SLC24A5: variants seen among roughly 807,000 people sequenced by gnomAD.
The protein encoded by SLC24A5 is solute carrier family 24 member 5, also known as sodium/potassium/calcium exchanger 5.
A neutral mutation model predicts 51.6 loss-of-function variants in SLC24A5; 46 were observed. The observed-to-expected ratio is 0.89, with a 90% CI of 0.70 to 1.14. The LOEUF (loss-of-function observed/expected upper bound fraction) is 1.14. Among genes scored for constraint, SLC24A5 ranks in the 50% most tolerant of loss-of-function variants. SLC24A5 has a pLI of 0.00. For synonymous variants in SLC24A5, 230 were observed against 214.9 expected (o/e 1.07, Z -0.62); for missense variants, 581 against 604.1 (o/e 0.96, Z 0.40).
In SLC24A5 at chr15:48,134,262, T is replaced by G; in HGVS notation, c.306T>G (p.Leu102=). 1.2e-6 allele frequency: 2 copies of G among 1,613,508 alleles called. No homozygotes were observed. Among genetic ancestry groups the G allele is most frequent in the Non-Finnish European group, 1.7e-6 (2 of 1,179,536 alleles). ...AATCATTTCATTTATGTTCAGCCCTTGGATTGTCTCAGGATGTTGCAGGCA... is the reference window on the plus strand; with the variant it reads ...AATCATTTCATTTATGTTCAGCCCTGGGATTGTCTCAGGATGTTGCAGGCA... The part of the protein sequence containing the change: ...LPSLEIISES[L]GLSQDVAGTT... Residue 102 remains leucine (L), a synonymous_variant, in exon 3 of 9, where the codon CTT becomes CTG. Coordinates refer to ENST00000341459, the MANE Select transcript of SLC24A5 (RefSeq NM_205850.3).
At chr15:48,138,923 T>C (rs765718744) in intron 6 of SLC24A5, 46 bp from the exon 7 acceptor site, 59 of 1,394,462 alleles carry the variant, frequency 4.2e-5, no homozygotes, top group South Asian at 1.2e-4. Flanking sequence ...TCTAACTTAA[T>C]TAGCCATTTG....
chr15:48,135,260 A>G (rs2038868936), intron 5 of SLC24A5: 1 of 277,666 alleles, frequency 3.6e-6, no homozygotes, highest in South Asian at 6.1e-5. Flanking sequence ...CTATTCAGAA[A>G]GTTTCCCAAC....
chr15:48,124,219 C>CA (rs2038708543), intron 2 of SLC24A5: 1 of 152,126 alleles, frequency 6.6e-6, no homozygotes, highest in Admixed American at 6.5e-5. Flanking sequence ...TCACAACAAT[C>CA]ATCATATTTT....
At chr15:48,127,054 T>C (rs977546114) in intron 2 of SLC24A5, among the ~76,000 whole-genome samples, 61 of 152,180 alleles carry the variant, frequency 4.0e-4, no homozygotes, top group African/African-American at 1.4e-3. Flanking sequence ...TGGAGCCAGA[T>C]AGCCCAGGTT....
intron 2 of SLC24A5, among the ~76,000 whole-genome samples, chr15:48,128,133 G>A (rs1410086174): frequency 2.6e-5 from 4 of 151,746 alleles, no homozygotes; most frequent in Non-Finnish European, 4.4e-5. Context: ...TATGTAATGG[G>A]GATCTCAGAG....
intron 2 of SLC24A5, among the ~76,000 whole-genome samples, chr15:48,125,584 TG>T (rs1407832150): frequency 6.6e-6 from 1 of 152,160 alleles, no homozygotes; most frequent in Non-Finnish European, 1.5e-5. Flanking sequence ...TCGAGAGCAC[TG>T]AAAATTTTGA....
chr15:48,134,451 G>A lies in SLC24A5; in HGVS notation c.402G>A (p.Lys134=). 6.2e-7 allele frequency: 1 copy of A among 1,613,320 alleles called. No individual in the cohort carries two copies. Among genetic ancestry groups the A allele is most frequent in the Middle Eastern group, 1.7e-4 (1 of 6,054 alleles). Residue 134 remains lysine (K), a synonymous_variant, in exon 4 of 9, where the codon AAG becomes AAA. Transcript: ENST00000341459. ...VTAFLGVFIT[K]GDIGISTILG... ...TGCACATAGGTGTATTTATCACAAAGGGAGATATTGGCATTAGCACCATCC... is the reference window on the plus strand; with the variant it reads ...TGCACATAGGTGTATTTATCACAAAAGGAGATATTGGCATTAGCACCATCC...
At chr15:48,136,463 A>T (rs901506270) in intron 5 of SLC24A5, 45 of 347,412 alleles carry the variant, frequency 1.3e-4, no homozygotes, top group African/African-American at 8.3e-4. Flanking sequence ...CTTGTTTTTA[A>T]AAAAAAAAAA....
chr15:48,130,752 T>G (rs899969894), intron 2 of SLC24A5, among the ~76,000 whole-genome samples: 5 of 152,160 alleles, frequency 3.3e-5, no homozygotes, highest in Non-Finnish European at 5.9e-5. Flanking sequence ...TTCCAAAGTA[T>G]TCTTGGCTCT....
At chr15:48,132,448 C>A (rs938693509) in intron 2 of SLC24A5, among the ~76,000 whole-genome samples, 1 of 152,090 alleles carries the variant, frequency 6.6e-6, no homozygotes, top group Non-Finnish European at 1.5e-5. Context: ...GAATATTTGT[C>A]TATTTTGTTC....
At chr15:48,130,958 C>G (rs1659406845) in intron 2 of SLC24A5, among the ~76,000 whole-genome samples, 1 of 152,144 alleles carries the variant, frequency 6.6e-6, no homozygotes, top group African/African-American at 2.4e-5. Flanking sequence ...TATGCCCTAA[C>G]TCTCAACATT....
chr15:48,123,174 T>C (rs1344510708), intron 2 of SLC24A5: 1 of 151,578 alleles, frequency 6.6e-6, no homozygotes, highest in Non-Finnish European at 1.5e-5. Flanking sequence ...AATATATATA[T>C]ATATGATAGA....
chr15:48,126,859 TGTAGTCCTATCTG>T (rs2038737384), intron 2 of SLC24A5, among the ~76,000 whole-genome samples: 2 of 152,364 alleles, frequency 1.3e-5, no homozygotes, highest in East Asian at 3.9e-4. Context: ...TACATCACTT[TGTAGTCCTATCTG>T]GTATTGTTTG....
intron 2 of SLC24A5, among the ~76,000 whole-genome samples, chr15:48,132,599 T>G (rs1385304402): frequency 6.6e-6 from 1 of 152,106 alleles, no homozygotes; most frequent in Non-Finnish European, 1.5e-5. Flanking sequence ...TTCACGGTTT[T>G]GGGTGTTTAC....
In SLC24A5 at chr15:48,134,892, A is replaced by G. The variant is rs767431083; in HGVS notation, c.498A>G (p.Thr166=). 7 of 1,609,984 alleles carry G rather than the reference A, an allele frequency of 4.3e-6. No individual in the cohort carries two copies. The highest frequency in any genetic ancestry group is 1.7e-4 in the Middle Eastern group (1 of 6,042). The stretch of plus-strand genomic sequence containing the variant: ...AACTTACCATATTACAGGTCTCAAC[A>G]CTATCATGTTGGCCCCTATTCAGAG... ...ACGLLSNTVS[T]LSCWPLFRDC... Residue 166 remains threonine (T), a synonymous_variant, in exon 5 of 9, where the codon ACA becomes ACG. Transcript: ENST00000341459.
intron 6 of SLC24A5, chr15:48,137,251 A>G: frequency 3.3e-6 from 1 of 303,654 alleles, no homozygotes; most frequent in Non-Finnish European, 6.1e-6. Context: ...GGAGATTTTC[A>G]CAGAGAAGGG....
chr15:48,130,763 C>T (rs2038781795), intron 2 of SLC24A5, among the ~76,000 whole-genome samples: 3 of 151,970 alleles, frequency 2.0e-5, no homozygotes, highest in South Asian at 2.1e-4. Flanking sequence ...TCTTGGCTCT[C>T]GGTAACTATT....
At chr15:48,137,850 G>C (rs574617022) in intron 6 of SLC24A5, 1 of 152,166 alleles carries the variant, frequency 6.6e-6, no homozygotes, top group South Asian at 2.1e-4. Flanking sequence ...AAAACTTTTA[G>C]GTAAATAGGT....
intron 1 of SLC24A5, 38 bp from the exon 2 acceptor site, chr15:48,121,819 C>A (rs1157834645): frequency 6.2e-7 from 1 of 1,607,378 alleles, no homozygotes; most frequent in East Asian, 2.2e-5. Context: ...ATGTGTGACT[C>A]CAAACTCTTC....
Sources: gnomAD v4.1 joint callset for allele counts (sites outside exome capture counted in the v4.1 genomes callset) on GRCh38, gnomAD v4.1.1 for gene constraint, MANE v1.5 for transcripts, NCBI Gene and HGNC (gene_info 2026-07-23, HGNC 2026-07-21) for gene names.